The following TAF3 variants were observed in gnomAD, a reference collection of about 807,000 sequenced individuals.
The protein encoded by TAF3 is TATA-box binding protein associated factor 3.
A neutral mutation model predicts 80.6 loss-of-function variants in TAF3; 7 were observed. The observed-to-expected ratio is 0.09, with a 90% CI of 0.05 to 0.16. The LOEUF is 0.16. Among genes scored for constraint, TAF3 ranks in the 10% least tolerant of loss-of-function variants. The pLI is 1.00. For synonymous variants in TAF3, 444 were observed against 446.1 expected, an observed-to-expected ratio of 1.00 and a Z score of 0.06; for missense variants, 921 against 1,140.2, an observed-to-expected ratio of 0.81 and a Z score of 2.77.
chr10:7,877,234 T>C (rs962687788), intron 2 of TAF3, among the ~76,000 whole-genome samples: 4 of 152,176 alleles, frequency 2.6e-5, no homozygotes, highest in Non-Finnish European at 5.9e-5. Flanking sequence ...TTATACTGAT[T>C]TCATAATTTC....
At chr10:7,867,205 G>A (rs1467820979) in intron 2 of TAF3, among the ~76,000 whole-genome samples, 1 of 152,096 alleles carries the variant, frequency 6.6e-6, no homozygotes, top group Admixed American at 6.6e-5. Flanking sequence ...GTTGCAGTGA[G>A]CCGAGATCAT....
intron 2 of TAF3, among the ~76,000 whole-genome samples, chr10:7,846,237 A>T (rs192573800): frequency 6.6e-6 from 1 of 152,192 alleles, no homozygotes; most frequent in Non-Finnish European, 1.5e-5. Flanking sequence ...CATTACAGGC[A>T]TGAGCCACTG....
rs1248073291 is a variant in TAF3 at position 7,874,561 on chromosome 10, CTCTA to C, written c.409+50003_409+50006del. ...TAAATATATAAATAAGCTCTATAAG[CTCTA>C]TATATTTAAAGCCAAAAATATCCTA... is the stretch of plus-strand genomic sequence containing the variant. On this transcript the variant is annotated intron_variant, in intron 2 of 6. Coordinates refer to ENST00000344293, the MANE Select transcript of TAF3 (RefSeq NM_031923.4). Among the ~76,000 whole-genome samples the C allele has an allele frequency of 1.1e-4, 16 of 151,900 alleles. No individual in the cohort carries two copies. In the South Asian group the frequency reaches 1.5e-3, roughly 14 times the overall value.
intron 2 of TAF3, among the ~76,000 whole-genome samples, chr10:7,885,249 G>GACACAC (rs71385678): frequency 1.5e-4 from 23 of 148,604 alleles, no homozygotes; most frequent in African/African-American, 3.5e-4. Context: ...TATAAATTTT[G>GACACAC]ACACACACAC....
At chr10:7,974,797 C>T (rs779455303) in intron 3 of TAF3, among the ~76,000 whole-genome samples, 3 of 152,006 alleles carry the variant, frequency 2.0e-5, no homozygotes, top group Admixed American at 6.6e-5. Flanking sequence ...AGATGAAGGC[C>T]GGGCACAGTG....
intron 2 of TAF3, among the ~76,000 whole-genome samples, chr10:7,918,123 A>G (rs1368873057): frequency 1.3e-5 from 2 of 152,204 alleles, no homozygotes; most frequent in South Asian, 2.1e-4. Flanking sequence ...CCTTGAGTAC[A>G]TTGGCTGACT....
At chr10:7,980,480 G>A (rs575541669) in intron 4 of TAF3, among the ~76,000 whole-genome samples, 35 of 152,268 alleles carry the variant, frequency 2.3e-4, no homozygotes, top group Middle Eastern at 6.8e-3. Context: ...TCAATGGTGA[G>A]TCCAGGACCT....
intron 2 of TAF3, among the ~76,000 whole-genome samples, chr10:7,947,950 A>T (rs1263746248): frequency 1.3e-5 from 2 of 152,240 alleles, no homozygotes; most frequent in African/African-American, 4.8e-5. Flanking sequence ...CAGACAGGAA[A>T]TGACGTTCAC....
chr10:8,010,941 C>T (rs897047804), intron 5 of TAF3, among the ~76,000 whole-genome samples: 2 of 152,164 alleles, frequency 1.3e-5, no homozygotes, highest in African/African-American at 2.4e-5. Flanking sequence ...CCCACCATGT[C>T]CACTGAGTCC....
chr10:7,899,999 C>T (rs999493409), intron 2 of TAF3, among the ~76,000 whole-genome samples: 5 of 152,146 alleles, frequency 3.3e-5, no homozygotes, highest in South Asian at 4.1e-4. Flanking sequence ...ACATGTTAGG[C>T]GGCGTCCACT....
At chr10:7,909,701 A>G (rs17143090) in intron 2 of TAF3, among the ~76,000 whole-genome samples, 28,248 of 152,188 alleles carry the variant, frequency 0.19, 2,846 homozygotes, top group East Asian at 0.3. Flanking sequence ...ATACTTTCTT[A>G]GGCCCATTTG....
intron 2 of TAF3, among the ~76,000 whole-genome samples, chr10:7,853,117 A>G (rs1244511): frequency 0.35 from 53,619 of 152,164 alleles, 9,433 homozygotes; most frequent in South Asian, 0.44. Context: ...AATGTTGTTT[A>G]ATATTCAGTC....
intron 2 of TAF3, among the ~76,000 whole-genome samples, chr10:7,951,288 A>T (rs1044753995): frequency 1.3e-5 from 2 of 152,258 alleles, no homozygotes; most frequent in Admixed American, 6.5e-5. Flanking sequence ...TTACTAGCTT[A>T]CAATTCCATG....
Position 7,873,622 on chromosome 10 carries a change from C to T in TAF3, c.409+49062C>T, listed in dbSNP as rs886576093. ...AAGGGAAGACATCCGAGTTCTCCCC[C>T]CCCCCCCGTCAAAAGGGGGTGTCGA... On this transcript the variant is annotated intron_variant, in intron 2 of 6. Transcript: ENST00000344293. Among the ~76,000 whole-genome samples the T allele has an allele frequency of 7.6e-5, 10 of 130,736 alleles. No individual in the cohort carries two copies. The South Asian group carries it at 1.9e-3, about 25-fold the overall frequency. 85.8% of individuals were successfully genotyped at this position (130,736 alleles called of 152,430 possible).
In TAF3 at chr10:8,009,367, GT is replaced by G; in HGVS notation, c.2568+41del. 3 of 1,571,738 alleles carry G rather than the reference GT, an allele frequency of 1.9e-6. No homozygotes were observed. The highest frequency in any genetic ancestry group is 1.9e-4 in the Middle Eastern group (1 of 5,148). On this transcript the variant is annotated intron_variant, in intron 5 of 6. Transcript: ENST00000344293. The surrounding 1 kb of genome is among the most constrained non-coding windows in gnomAD (Gnocchi z 4.1). The stretch of plus-strand genomic sequence containing the variant: ...CCGCCCGCGCGGTTAGCATGGAGAC[GT>G]TTTCAGATCGAGACAAGTGTGTGCT...
At chr10:7,864,994 C>A (rs753934310) in intron 2 of TAF3, among the ~76,000 whole-genome samples, 3 of 152,038 alleles carry the variant, frequency 2.0e-5, no homozygotes, top group Non-Finnish European at 4.4e-5. Context: ...ATCCCTGCAC[C>A]ATTTGTTGAA....
rs548474900 is a variant in TAF3, at chr10:8,016,347, G to A, written c.*1596G>A. 21 of 152,236 alleles carry A rather than the reference G, an allele frequency of 1.4e-4. 1 individual carries two copies. The South Asian group carries it at 2.3e-3, about 17-fold the overall frequency. The allele number at this position is 152,236 out of a possible 1,614,324, so 9.4% of individuals were successfully genotyped here. On this transcript the variant is annotated 3_prime_UTR_variant, in exon 7 of 7. Transcript: ENST00000344293. ...AAACATTATGTGGTTAGAGAAATGC[G>A]GTTTTCTGCCATGAATGTTAAGTTG...
chr10:7,869,102 T>C (rs1190599992), intron 2 of TAF3, among the ~76,000 whole-genome samples: 1 of 152,212 alleles, frequency 6.6e-6, no homozygotes, highest in Admixed American at 6.5e-5. Context: ...CACATTATAT[T>C]CTACTTATTT....
chr10:7,930,360 G>T (rs1000431393), intron 2 of TAF3, among the ~76,000 whole-genome samples: 2 of 152,130 alleles, frequency 1.3e-5, no homozygotes, highest in Non-Finnish European at 1.5e-5. Context: ...CCATGAATAG[G>T]TTATTAGTGA....
Sources: gnomAD v4.1 joint callset for allele counts (sites outside exome capture counted in the v4.1 genomes callset) on GRCh38, gnomAD v4.1.1 for gene constraint, Gnocchi (gnomAD v3.1) non-coding constraint, MANE v1.5 for transcripts, NCBI Gene and HGNC (gene_info 2026-07-23, HGNC 2026-07-21) for gene names.